CLASP2: variants seen among roughly 807,000 people sequenced by gnomAD.
The protein encoded by CLASP2 is cytoplasmic linker associated protein 2.
A neutral mutation model predicts 194.4 loss-of-function variants in CLASP2; 47 were observed. That is an observed-to-expected ratio of 0.24 (90% CI 0.19 to 0.31). CLASP2 has a LOEUF of 0.31. Among genes scored for constraint, CLASP2 ranks in the 10% least tolerant of loss-of-function variants. The pLI, the probability that CLASP2 is intolerant of heterozygous loss-of-function variation, is 1.00. For missense variants in CLASP2, 1,445 were observed against 1,823.6 expected, an observed-to-expected ratio of 0.79 and a Z score of 3.78; for synonymous variants, 619 against 633.5, an observed-to-expected ratio of 0.98 and a Z score of 0.34.
chr3:33,657,212 T>C (rs1559551034), intron 7 of CLASP2, among the ~76,000 whole-genome samples: 2 of 152,146 alleles, frequency 1.3e-5, no homozygotes, highest in South Asian at 2.1e-4. Flanking sequence ...GATTCTGGTA[T>C]AGTGTATGTG....
chr3:33,700,856 A>C (rs1329692363), intron 1 of CLASP2, among the ~76,000 whole-genome samples: 1 of 152,200 alleles, frequency 6.6e-6, no homozygotes, highest in Non-Finnish European at 1.5e-5. Context: ...GTCTCAAAAA[A>C]ATAAAACAAA....
intron 12 of CLASP2, among the ~76,000 whole-genome samples, chr3:33,616,616 A>G (rs540049124): frequency 3.9e-5 from 6 of 152,158 alleles, no homozygotes; most frequent in Non-Finnish European, 8.8e-5. Flanking sequence ...GGAAATTTCC[A>G]TAATCTAATA....
At chr3:33,695,586 A>G (rs1022642794) in intron 2 of CLASP2, among the ~76,000 whole-genome samples, 2 of 152,168 alleles carry the variant, frequency 1.3e-5, no homozygotes, top group Admixed American at 6.5e-5. Flanking sequence ...TTAACCAAAC[A>G]TATCAAAAAG....
At chr3:33,665,296 G>C (rs1357333339) in intron 6 of CLASP2, among the ~76,000 whole-genome samples, 2 of 152,072 alleles carry the variant, frequency 1.3e-5, no homozygotes, top group Non-Finnish European at 2.9e-5. Flanking sequence ...ATGGAGACAG[G>C]AATCTGGATG....
intron 12 of CLASP2, among the ~76,000 whole-genome samples, chr3:33,615,494 T>C (rs1357093559): frequency 6.7e-6 from 1 of 150,340 alleles, no homozygotes; most frequent in African/African-American, 2.4e-5. Flanking sequence ...AAAGTACATA[T>C]ATCAAGAACT....
At chr3:33,547,995 G>C (rs907437905) in intron 30 of CLASP2, among the ~76,000 whole-genome samples, 13 of 151,606 alleles carry the variant, frequency 8.6e-5, no homozygotes, top group African/African-American at 3.2e-4. Context: ...ACCCAGGCTG[G>C]TCTCTTCTGG....
chr3:33,544,683 A>ATAAG lies in CLASP2; in HGVS notation c.3297+11_3297+14dup. ...ATCACATTATATGATAGCCAAGAAA[A>ATAAG]TAAGTAACAATTACCTGGGTTCCAT... On this transcript the variant is annotated intron_variant, in intron 31 of 38. Transcript: ENST00000682230. 1 of 1,603,374 alleles carries ATAAG rather than the reference A, an allele frequency of 6.2e-7. No individual in the cohort carries two copies. Among genetic ancestry groups the ATAAG allele is most frequent in the Non-Finnish European group, 8.5e-7 (1 of 1,175,912 alleles).
chr3:33,644,719 G>A (rs2081985562), intron 8 of CLASP2, 38 bp downstream of exon 8: 1 of 1,608,478 alleles, frequency 6.2e-7, no homozygotes, highest in African/African-American at 1.3e-5. Flanking sequence ...TCAAGGGCAT[G>A]GAGCATGCAT....
Position 33,680,199 on chromosome 3 carries a change from G to C in CLASP2, c.644+4160C>G, listed in dbSNP as rs1409986562. ...ATGAATGTTGCCAAGGATTAGGCCA[G>C]AGGGAGGGATAAACAGATGAAACAT... is the stretch of plus-strand genomic sequence containing the variant. On this transcript the variant is annotated intron_variant, in intron 6 of 38. Coordinates refer to ENST00000682230, the MANE Select transcript of CLASP2 (RefSeq NM_001365631.1). Among the ~76,000 whole-genome samples, 5 of 152,234 alleles carry C rather than the reference G, an allele frequency of 3.3e-5. No individual in the cohort carries two copies. The East Asian group carries it at 9.6e-4, about 29-fold the overall frequency.
intron 1 of CLASP2, among the ~76,000 whole-genome samples, chr3:33,709,766 AGT>A (rs1395317815): frequency 6.6e-6 from 1 of 151,016 alleles, no homozygotes; most frequent in Non-Finnish European, 1.5e-5. Flanking sequence ...TAAGCTAGTA[AGT>A]GTGTCATAAT....
At chr3:33,552,683 G>A (rs945204329) in intron 29 of CLASP2, among the ~76,000 whole-genome samples, 2 of 152,060 alleles carry the variant, frequency 1.3e-5, no homozygotes, top group Non-Finnish European at 2.9e-5. Context: ...TGAATCCATC[G>A]TTTCAGTCAC....
rs139438886 is a variant in CLASP2, at chr3:33,611,169, C to T, written c.1388+832G>A. On this transcript the variant is annotated intron_variant, in intron 13 of 38. Transcript: ENST00000682230. Reference sequence around the variant, plus strand: ...GACTCCAAAAAAACACAACCTTGCACAAAGGCTATCGCAACCTTACAAAAA... The same window carrying T: ...GACTCCAAAAAAACACAACCTTGCATAAAGGCTATCGCAACCTTACAAAAA... 1.8e-3 allele frequency among the ~76,000 whole-genome samples: 269 copies of T among 152,262 alleles called. 1 individual carries two copies. Among genetic ancestry groups the T allele is most frequent in the African/African-American group, 6.0e-3 (249 of 41,564 alleles).
intron 27 of CLASP2, among the ~76,000 whole-genome samples, chr3:33,562,413 A>G (rs1200651929): frequency 6.6e-6 from 1 of 152,152 alleles, no homozygotes; most frequent in East Asian, 1.9e-4. Context: ...TGACAAATGC[A>G]TGTAACTAAT....
chr3:33,511,088 A>G (rs2049621154), intron 36 of CLASP2, among the ~76,000 whole-genome samples: 1 of 146,134 alleles, frequency 6.8e-6, no homozygotes, highest in South Asian at 2.1e-4. Context: ...GAAGGAGTGC[A>G]GTGGCTTGAT....
At chr3:33,516,244 G>C (rs2051277093) in intron 35 of CLASP2, 93 bp from the exon 36 acceptor site, 1 of 1,213,580 alleles carries the variant, frequency 8.2e-7, no homozygotes, top group African/African-American at 1.5e-5. Flanking sequence ...TTAATATTGG[G>C]GGAGGAGTTG....
At chr3:33,716,474 C>T (rs913999143) in intron 1 of CLASP2, among the ~76,000 whole-genome samples, 13 of 152,136 alleles carry the variant, frequency 8.5e-5, no homozygotes, top group African/African-American at 2.9e-4. Flanking sequence ...CACAACAGCC[C>T]GTGTAGAAGA....
At chr3:33,588,639 C>G (rs2067963378) in intron 21 of CLASP2, 1 of 696,972 alleles carries the variant, frequency 1.4e-6, no homozygotes, top group Admixed American at 2.0e-5. Context: ...TGAATAGAAC[C>G]CATTCTTCAT....
chr3:33,631,062 C>T (rs988445455), intron 9 of CLASP2, among the ~76,000 whole-genome samples: 2 of 152,064 alleles, frequency 1.3e-5, no homozygotes, highest in Non-Finnish European at 2.9e-5. Context: ...ATCTTAAATA[C>T]CTTAAGGACA....
At chr3:33,642,572 A>G (rs1018125444) in intron 8 of CLASP2, among the ~76,000 whole-genome samples, 1 of 151,884 alleles carries the variant, frequency 6.6e-6, no homozygotes, top group African/African-American at 2.4e-5. Context: ...TACTTTAATC[A>G]AGTTGAATAA....
Sources: gnomAD v4.1 joint callset for allele counts (sites outside exome capture counted in the v4.1 genomes callset) on GRCh38, gnomAD v4.1.1 for gene constraint, MANE v1.5 for transcripts, NCBI Gene and HGNC (gene_info 2026-07-23, HGNC 2026-07-21) for gene names.